The following SYNPO2 variants were observed in gnomAD, a reference collection of about 807,000 sequenced individuals.
The protein encoded by SYNPO2 is synaptopodin-2.
Under a neutral mutation model 85.0 loss-of-function variants are expected in SYNPO2, and 56 were observed. The ratio of observed to expected loss-of-function variants is 0.66; its 90% CI spans 0.53 to 0.82. SYNPO2 has a LOEUF of 0.82. Ranked by LOEUF, SYNPO2 falls within the 40% of genes least tolerant of loss-of-function variation. SYNPO2 has a pLI of 0.00. For synonymous variants in SYNPO2, 602 were observed against 591.1 expected (o/e 1.02, Z -0.27); for missense variants, 1,575 against 1,534.2 (o/e 1.03, Z -0.44).
At chr4:118,982,096 T>A (rs942806377) in intron 1 of SYNPO2, among the ~76,000 whole-genome samples, 1 of 152,078 alleles carries the variant, frequency 6.6e-6, no homozygotes, top group African/African-American at 2.4e-5. Context: ...AATGAGAACA[T>A]ACTTCCAGGG....
At chr4:119,013,759 A>G (rs572683098) in intron 1 of SYNPO2, among the ~76,000 whole-genome samples, 176 of 152,366 alleles carry the variant, frequency 1.2e-3, no homozygotes, top group African/African-American at 4.0e-3. Flanking sequence ...AAAGATGTGC[A>G]TAACTCAGTG....
At chr4:118,851,066 T>A (rs185754482) in intron 1 of SYNPO2, 17 of 390,978 alleles carry the variant, frequency 4.3e-5, no homozygotes, top group Non-Finnish European at 5.8e-5. Context: ...ACCTTTCATC[T>A]TTTCAAAAGG....
At chr4:119,045,624 C>T (rs1041938068) in intron 4 of SYNPO2, among the ~76,000 whole-genome samples, 4 of 152,196 alleles carry the variant, frequency 2.6e-5, no homozygotes, top group South Asian at 2.1e-4. Context: ...AAATGAATGA[C>T]GTTTACTATT....
chr4:118,951,414 C>A (rs1019323313), intron 1 of SYNPO2, among the ~76,000 whole-genome samples: 1 of 152,184 alleles, frequency 6.6e-6, no homozygotes, highest in African/African-American at 2.4e-5. Flanking sequence ...ATGACTTAGT[C>A]ACTGCCTAAA....
At chr4:118,873,252 T>G (rs898207474) in intron 1 of SYNPO2, among the ~76,000 whole-genome samples, 1 of 152,226 alleles carries the variant, frequency 6.6e-6, no homozygotes, top group Non-Finnish European at 1.5e-5. Context: ...CTAATTTTAG[T>G]TCTTTGAGAA....
chr4:118,890,733 C>CTCTCTCTCTCTCTGTGTGTG (rs749295331), intron 1 of SYNPO2, among the ~76,000 whole-genome samples: 48 of 126,212 alleles, frequency 3.8e-4, no homozygotes, highest in African/African-American at 1.3e-3. Context: ...CTCTCTCTCT[C>CTCTCTCTCTCTCTGTGTGTG]TGTGTGTGTG....
At chr4:118,900,318 G>T (rs114457622) in intron 1 of SYNPO2, among the ~76,000 whole-genome samples, 2 of 152,002 alleles carry the variant, frequency 1.3e-5, no homozygotes, top group African/African-American at 4.8e-5. Context: ...AAAGCCACTC[G>T]TCATCACAGA....
At chr4:118,930,903 A>G (rs967815067) in intron 1 of SYNPO2, among the ~76,000 whole-genome samples, 5 of 140,476 alleles carry the variant, frequency 3.6e-5, no homozygotes, top group African/African-American at 1.3e-4. Context: ...GGGCATCACA[A>G]CACTACCTTG....
upstream of SYNPO2, among the ~76,000 whole-genome samples, chr4:118,887,678 T>C (rs1365682368): frequency 6.6e-6 from 1 of 152,248 alleles, no homozygotes; most frequent in Non-Finnish European, 1.5e-5. Flanking sequence ...TGGTGATGTC[T>C]TTGTGACCAG....
At chr4:118,996,995 C>T (rs1736625335) in intron 1 of SYNPO2, among the ~76,000 whole-genome samples, 1 of 151,764 alleles carries the variant, frequency 6.6e-6, no homozygotes, top group Admixed American at 6.6e-5. Context: ...AATCCCAGCA[C>T]TTTGGGAGGC....
At chr4:118,998,414 G>A (rs978491594) in intron 1 of SYNPO2, among the ~76,000 whole-genome samples, 1 of 152,154 alleles carries the variant, frequency 6.6e-6, no homozygotes, top group African/African-American at 2.4e-5. Context: ...TATTTTCTAT[G>A]TGTCTGATGA....
intron 1 of SYNPO2, among the ~76,000 whole-genome samples, chr4:118,985,572 C>T (rs192045831): frequency 1.3e-3 from 196 of 152,354 alleles, no homozygotes; most frequent in African/African-American, 4.7e-3. Flanking sequence ...TTGCCTAAGC[C>T]ACTGACATAT....
chr4:119,057,295 A>G, intron 4 of SYNPO2, 106 bp from the exon 5 acceptor site: 1 of 1,163,116 alleles, frequency 8.6e-7, no homozygotes. Flanking sequence ...TTTTATTTTT[A>G]TTTTTTATTT....
intron 1 of SYNPO2, among the ~76,000 whole-genome samples, chr4:118,975,554 T>A (rs1735691416): frequency 6.6e-6 from 1 of 152,084 alleles, no homozygotes; most frequent in Non-Finnish European, 1.5e-5. Flanking sequence ...AGAGCAGGAC[T>A]TTCACCCCCA....
intron 1 of SYNPO2, among the ~76,000 whole-genome samples, chr4:119,005,068 G>T (rs1736978834): frequency 6.6e-6 from 1 of 152,044 alleles, no homozygotes. Context: ...ACTTGTTGAT[G>T]GGGTTGTTTG....
chr4:118,956,013 T>C (rs1411991541), intron 1 of SYNPO2, among the ~76,000 whole-genome samples: 1 of 152,120 alleles, frequency 6.6e-6, no homozygotes, highest in Non-Finnish European at 1.5e-5. Flanking sequence ...GGAAAATTAG[T>C]AGGAATTGTC....
intron 1 of SYNPO2, among the ~76,000 whole-genome samples, chr4:118,980,553 G>A (rs1735967204): frequency 6.6e-6 from 1 of 151,784 alleles, no homozygotes; most frequent in Non-Finnish European, 1.5e-5. Context: ...CCACCGACTG[G>A]ACTAATTTTA....
At chr4:119,023,648 T>C (rs1737825930) in intron 2 of SYNPO2, 67 bp downstream of exon 2, 4 of 1,531,920 alleles carry the variant, frequency 2.6e-6, no homozygotes, top group Non-Finnish European at 3.5e-6. Flanking sequence ...TAGCTTTTAC[T>C]ACATATATAA....
chr4:119,035,355 G>A (rs927749646), intron 4 of SYNPO2: 1 of 985,320 alleles, frequency 1.0e-6, no homozygotes, highest in African/African-American at 1.7e-5. Context: ...GGAGGGCAGA[G>A]TGAATCCCAG....
Sources: allele counts gnomAD v4.1 joint callset (sites outside exome capture counted in the v4.1 genomes callset), GRCh38; gene constraint gnomAD v4.1.1; transcripts MANE v1.5; gene names NCBI Gene and HGNC (gene_info 2026-07-23, HGNC 2026-07-21).